The following PAN3 variants were observed in gnomAD, a reference collection of about 807,000 sequenced individuals.
PAN3 encodes the protein poly(A) specific ribonuclease subunit PAN3.
PAN3 carries 19 observed loss-of-function variants against 96.2 expected under a neutral mutation model. That is an observed-to-expected ratio of 0.20 (90% CI 0.14 to 0.29). PAN3 has a LOEUF of 0.29. Ranked by LOEUF, PAN3 falls within the 10% of genes least tolerant of loss-of-function variation. PAN3 has a pLI of 1.00. For synonymous variants in PAN3, 433 were observed against 406.6 expected (o/e 1.06, Z -0.78); for missense variants, 882 against 1,108.1 (o/e 0.80, Z 2.90).
intron 7 of PAN3, among the ~76,000 whole-genome samples, chr13:28,259,650 T>C (rs1885523989): frequency 1.3e-5 from 2 of 152,150 alleles, no homozygotes; most frequent in South Asian, 4.2e-4. Context: ...TATTTATTTA[T>C]TTATTGAGAC....
At chr13:28,284,596 G>A (rs553643977) in intron 17 of PAN3, among the ~76,000 whole-genome samples, 1 of 152,206 alleles carries the variant, frequency 6.6e-6, no homozygotes, top group Admixed American at 6.5e-5. Context: ...GTTAGAAATT[G>A]TATAGGGTGT....
intron 5 of PAN3, among the ~76,000 whole-genome samples, chr13:28,216,231 T>G (rs9554288): frequency 6.7e-6 from 1 of 150,286 alleles, no homozygotes; most frequent in African/African-American, 2.4e-5. Flanking sequence ...AAAATACATA[T>G]ATGTGTATGA....
chr13:28,273,021 C>T (rs1457383353), intron 14 of PAN3, among the ~76,000 whole-genome samples: 41 of 152,172 alleles, frequency 2.7e-4, no homozygotes, highest in Admixed American at 2.7e-3. Flanking sequence ...CCTTTAATTA[C>T]ACCTATTATT....
chr13:28,215,923 T>C (rs1880701385), intron 5 of PAN3: 2 of 1,172,012 alleles, frequency 1.7e-6, no homozygotes, highest in Non-Finnish European at 1.3e-6. Flanking sequence ...CCTGCCACTC[T>C]AGTCTTAATC....
chr13:28,154,808 T>G (rs1226754092), intron 1 of PAN3, among the ~76,000 whole-genome samples: 3 of 92,638 alleles, frequency 3.2e-5, no homozygotes, highest in East Asian at 2.6e-4. Context: ...ACTTTGCAGG[T>G]TTTTTTTTTT....
intron 6 of PAN3, among the ~76,000 whole-genome samples, chr13:28,238,519 A>G (rs1470535875): frequency 6.6e-6 from 1 of 152,232 alleles, no homozygotes. Flanking sequence ...GCTCTTAGGC[A>G]CTGAGTTTAT....
chr13:28,281,511 G>C, intron 17 of PAN3, 132 bp downstream of exon 17: 1 of 817,750 alleles, frequency 1.2e-6, no homozygotes, highest in Non-Finnish European at 1.9e-6. Flanking sequence ...GATTGTGTTA[G>C]CTGTTAAGGT....
At chr13:28,260,836 A>C (rs1253561258) in intron 8 of PAN3, among the ~76,000 whole-genome samples, 3 of 152,174 alleles carry the variant, frequency 2.0e-5, no homozygotes, top group Non-Finnish European at 2.9e-5. Flanking sequence ...GAAGTATATA[A>C]ATAATTTAAA....
At chr13:28,192,867 CT>C in intron 4 of PAN3, among the ~76,000 whole-genome samples, 1 of 152,262 alleles carries the variant, frequency 6.6e-6, no homozygotes, top group African/African-American at 2.4e-5. Flanking sequence ...TGCAATAAAA[CT>C]TTTCTATGTA....
At chr13:28,217,883 TATTGTTGTTGAAGTTATA>T (rs1336902284) in intron 5 of PAN3, among the ~76,000 whole-genome samples, 1 of 151,936 alleles carries the variant, frequency 6.6e-6, no homozygotes, top group Non-Finnish European at 1.5e-5. Context: ...CCAAACTCCT[TATTGTTGTTGAAGTTATA>T]ATTTATATAA....
chr13:28,255,923 T>A (rs901781565), intron 6 of PAN3, among the ~76,000 whole-genome samples: 7 of 152,026 alleles, frequency 4.6e-5, no homozygotes, highest in African/African-American at 1.7e-4. Flanking sequence ...AAAGAAAAAC[T>A]TTTATAAAAG....
At chr13:28,256,632 T>G in intron 7 of PAN3, 93 bp downstream of exon 7, 1 of 1,325,040 alleles carries the variant, frequency 7.5e-7, no homozygotes, top group East Asian at 2.4e-5. Context: ...AGCTTTTTAT[T>G]GTGATGCAAA....
intron 17 of PAN3, among the ~76,000 whole-genome samples, chr13:28,282,343 T>G (rs1175278915): frequency 2.0e-5 from 3 of 151,198 alleles, no homozygotes; most frequent in South Asian, 2.1e-4. Flanking sequence ...AGGGGTTGTT[T>G]TTTTTTTTTA....
chr13:28,288,927 C>G (rs538754622), intron 18 of PAN3, among the ~76,000 whole-genome samples: 1 of 146,148 alleles, frequency 6.8e-6, no homozygotes, highest in East Asian at 2.1e-4. Flanking sequence ...CCCGGGTTCA[C>G]GCCATTCTCC....
intron 5 of PAN3, among the ~76,000 whole-genome samples, chr13:28,218,180 A>G (rs542379812): frequency 7.9e-5 from 12 of 152,234 alleles, no homozygotes; most frequent in African/African-American, 2.9e-4. Context: ...GTTATTTTAA[A>G]GATTTTTATC....
chr13:28,183,716 G>A (rs1478822257), intron 4 of PAN3, among the ~76,000 whole-genome samples: 1 of 152,210 alleles, frequency 6.6e-6, no homozygotes, highest in East Asian at 1.9e-4. Flanking sequence ...AGAGTTAGAT[G>A]CGAGGCAGTC....
chr13:28,266,700 T>TATGA lies in PAN3; in HGVS notation c.1412-12_1412-9dup. The TATGA allele has an allele frequency of 6.5e-7, 1 of 1,529,312 alleles. No individual in the cohort carries two copies. The highest frequency in any genetic ancestry group is 8.8e-7 in the Non-Finnish European group (1 of 1,139,022). 94.7% of individuals were successfully genotyped at this position (1,529,312 alleles called of 1,614,324 possible). ...TGCCTGTATTTTCAAGTCATCTTCT[T>TATGA]ATGAATTACTCTAGCAGTTCCTACA... On this transcript the variant is annotated splice_polypyrimidine_tract_variant and intron_variant, in intron 9 of 18. Coordinates refer to ENST00000380958, the MANE Select transcript of PAN3 (RefSeq NM_175854.8).
chr13:28,235,680 T>TACACACACACACAC (rs1555285712), intron 6 of PAN3, among the ~76,000 whole-genome samples: 1 of 109,538 alleles, frequency 9.1e-6, no homozygotes, highest in African/African-American at 4.3e-5. Flanking sequence ...CTTTCTCTAA[T>TACACACACACACAC]ATACACACAC....
rs17086400 is a variant in PAN3 at position 28,222,936 on chromosome 13, G to A, written c.1000+2558G>A. Among the ~76,000 whole-genome samples, 669 of 152,098 alleles carry A rather than the reference G, an allele frequency of 4.4e-3. 9 individuals are homozygous for A. Among genetic ancestry groups the A allele is most frequent in the African/African-American group, 0.015 (630 of 41,474 alleles). On this transcript the variant is annotated intron_variant, in intron 6 of 18. Coordinates refer to ENST00000380958, the MANE Select transcript of PAN3 (RefSeq NM_175854.8). ...ACTAGGGTAACATCATTTTCATTACGTATGGGAAAGTACATATCTAAATAT... is the reference window on the plus strand; with the variant it reads ...ACTAGGGTAACATCATTTTCATTACATATGGGAAAGTACATATCTAAATAT...
Sources: gnomAD v4.1 joint callset for allele counts (sites outside exome capture counted in the v4.1 genomes callset) on GRCh38, gnomAD v4.1.1 for gene constraint, MANE v1.5 for transcripts, NCBI Gene and HGNC (gene_info 2026-07-23, HGNC 2026-07-21) for gene names.